KIF16B: variants seen among roughly 807,000 people sequenced by gnomAD.
KIF16B encodes the protein kinesin family member 16B, also known as kinesin-like protein KIF16B.
A neutral mutation model predicts 156.3 loss-of-function variants in KIF16B; 98 were observed. The ratio of observed to expected loss-of-function variants is 0.63; its 90% CI spans 0.53 to 0.74. The LOEUF (loss-of-function observed/expected upper bound fraction) is 0.74, where lower values mean the gene tolerates loss of function less well. KIF16B is among the 30% of genes least tolerant of loss of function. The pLI, the probability that KIF16B is intolerant of heterozygous loss-of-function variation, is 0.00. For synonymous variants in KIF16B, 564 were observed against 583.7 expected (o/e 0.97, Z 0.49); for missense variants, 1,421 against 1,606.5 (o/e 0.88, Z 1.97).
intron 25 of KIF16B, among the ~76,000 whole-genome samples, chr20:16,309,722 T>TG (rs150678270): frequency 0.017 from 2,657 of 152,334 alleles, 78 homozygotes; most frequent in African/African-American, 0.059. Context: ...GTTGCATTTC[T>TG]GGATATTAAT....
intron 23 of KIF16B, among the ~76,000 whole-genome samples, 194 bp downstream of exon 23, chr20:16,356,136 C>A (rs1229489860): frequency 3.9e-5 from 6 of 152,188 alleles, no homozygotes; most frequent in Non-Finnish European, 8.8e-5. Flanking sequence ...TTACTAACAC[C>A]TTCTATGAGG....
intron 19 of KIF16B, among the ~76,000 whole-genome samples, 184 bp from the exon 20 acceptor site, chr20:16,374,593 C>T (rs1196601112): frequency 6.6e-6 from 1 of 152,102 alleles, no homozygotes; most frequent in Admixed American, 6.5e-5. Flanking sequence ...CCATGGGCCA[C>T]AAGAAGGGTC....
intron 25 of KIF16B, among the ~76,000 whole-genome samples, chr20:16,301,476 CA>C (rs1287042859): frequency 6.6e-6 from 1 of 152,170 alleles, no homozygotes; most frequent in Non-Finnish European, 1.5e-5. Context: ...TCTTATTGTA[CA>C]ACCTCACCAG....
intron 10 of KIF16B, among the ~76,000 whole-genome samples, chr20:16,503,402 T>C (rs2068681320): frequency 6.6e-6 from 1 of 152,118 alleles, no homozygotes; most frequent in Non-Finnish European, 1.5e-5. Context: ...CTGTCCACCA[T>C]CTTGTGGGAA....
At chr20:16,326,503 G>C (rs993743936) in intron 24 of KIF16B, among the ~76,000 whole-genome samples, 1 of 150,320 alleles carries the variant, frequency 6.7e-6, no homozygotes, top group Non-Finnish European at 1.5e-5. Flanking sequence ...TCAAAAAGTG[G>C]GCTAAGGACA....
At chr20:16,318,988 A>G (rs1338561594) in intron 24 of KIF16B, among the ~76,000 whole-genome samples, 1 of 152,176 alleles carries the variant, frequency 6.6e-6, no homozygotes, top group Non-Finnish European at 1.5e-5. Flanking sequence ...GATAGTATAT[A>G]TCCTTGAGAT....
At chr20:16,512,994 G>T in intron 4 of KIF16B, 71 bp from the exon 5 acceptor site, 1 of 1,180,660 alleles carries the variant, frequency 8.5e-7, no homozygotes, top group South Asian at 1.2e-5. Context: ...TTTGCAATTT[G>T]CTGGCATGAA....
Position 16,356,357 on chromosome 20 carries a change from C to G in KIF16B, c.3594G>C (p.Lys1198Asn). 6.2e-7 allele frequency: 1 copy of G among 1,614,170 alleles called. No individual in the cohort carries two copies. ...TGACCTCAAACTCGAAGTGTGCATC[C>G]TTTCCTTGCCCGCAGAGGACGTAGC... ...IPRYVLCGQG[K>N]DAHFEFEVKI... The change falls in exon 23 of 26, where the codon AAG becomes AAC. Residue 1198 changes from lysine to asparagine, a missense_variant. Transcript: ENST00000354981.
chr20:16,287,112 A>ATC (rs2063234142), intron 25 of KIF16B, among the ~76,000 whole-genome samples: 1 of 152,268 alleles, frequency 6.6e-6, no homozygotes, highest in African/African-American at 2.4e-5. Context: ...GCAGTTCATT[A>ATC]TACAATGATA....
At chr20:16,511,957 A>G (rs1383753033) in intron 5 of KIF16B, among the ~76,000 whole-genome samples, 1 of 152,008 alleles carries the variant, frequency 6.6e-6, no homozygotes, top group African/African-American at 2.4e-5. Flanking sequence ...GACCAGCCTG[A>G]CCAACACGGT....
At chr20:16,348,160 A>C (rs930221320) in intron 23 of KIF16B, among the ~76,000 whole-genome samples, 1 of 152,232 alleles carries the variant, frequency 6.6e-6, no homozygotes, top group African/African-American at 2.4e-5. Context: ...AACATACACA[A>C]AAATAACAGT....
intron 23 of KIF16B, among the ~76,000 whole-genome samples, chr20:16,338,365 T>C (rs1249013488): frequency 6.6e-6 from 1 of 152,198 alleles, no homozygotes; most frequent in Non-Finnish European, 1.5e-5. Context: ...CCTGCTGCTC[T>C]ACCCTCCTCC....
chr20:16,535,010 A>ATT (rs142786748), intron 1 of KIF16B, among the ~76,000 whole-genome samples: 2 of 150,622 alleles, frequency 1.3e-5, no homozygotes, highest in Middle Eastern at 3.4e-3. Context: ...AAATTTTAGA[A>ATT]TTTTTTTTTT....
chr20:16,284,856 A>G (rs2063200393), intron 25 of KIF16B, among the ~76,000 whole-genome samples: 2 of 152,188 alleles, frequency 1.3e-5, no homozygotes, highest in South Asian at 4.1e-4. Context: ...GGGACCACGC[A>G]TGCACACTGG....
At chr20:16,357,477 T>C (rs924974899) in intron 22 of KIF16B, among the ~76,000 whole-genome samples, 3 of 152,146 alleles carry the variant, frequency 2.0e-5, no homozygotes, top group African/African-American at 7.2e-5. Context: ...AATCATGAAA[T>C]TGTACAATAA....
intron 1 of KIF16B, among the ~76,000 whole-genome samples, chr20:16,529,574 G>C (rs1473210629): frequency 6.6e-6 from 1 of 152,254 alleles, no homozygotes; most frequent in Non-Finnish European, 1.5e-5. Flanking sequence ...CATTACAAGA[G>C]TAATGATGTT....
intron 22 of KIF16B, among the ~76,000 whole-genome samples, chr20:16,370,032 G>C (rs1277430882): frequency 6.6e-6 from 1 of 152,042 alleles, no homozygotes; most frequent in African/African-American, 2.4e-5. Flanking sequence ...GACACCATCT[G>C]GAAAATTTCC....
At chr20:16,534,875 C>T (rs921005807) in intron 1 of KIF16B, among the ~76,000 whole-genome samples, 3 of 152,016 alleles carry the variant, frequency 2.0e-5, no homozygotes, top group Non-Finnish European at 4.4e-5. Flanking sequence ...TATATAATAC[C>T]AATACCATGC....
At chr20:16,562,693 T>G (rs762363405) in intron 1 of KIF16B, among the ~76,000 whole-genome samples, 6 of 151,594 alleles carry the variant, frequency 4.0e-5, no homozygotes, top group Non-Finnish European at 7.4e-5. Context: ...TCTCAGAGAG[T>G]TTAAGAGATA....
Sources: allele counts gnomAD v4.1 joint callset (sites outside exome capture counted in the v4.1 genomes callset), GRCh38; gene constraint gnomAD v4.1.1; transcripts MANE v1.5; gene names NCBI Gene and HGNC (gene_info 2026-07-23, HGNC 2026-07-21).